SOCS6: variants seen among roughly 807,000 people sequenced by gnomAD.
SOCS6 encodes suppressor of cytokine signaling 6, also known as STAT induced STAT inhibitor-4.
Under a neutral mutation model 27.7 loss-of-function variants are expected in SOCS6, and 5 were observed. The observed-to-expected ratio is 0.18, with a 90% CI of 0.09 to 0.38. SOCS6 has a LOEUF of 0.38. Among genes scored for constraint, SOCS6 ranks in the 10% least tolerant of loss-of-function variants. The probability of loss-of-function intolerance (pLI) is 1.00; values close to 1 mark genes in which losing one functional copy is unlikely to be tolerated. For synonymous variants in SOCS6, 271 were observed against 260.0 expected (o/e 1.04, Z -0.41); for missense variants, 595 against 688.1 (o/e 0.86, Z 1.51).
intron 1 of SOCS6, among the ~76,000 whole-genome samples, chr18:70,292,071 C>G (rs892681846): frequency 1.4e-4 from 22 of 152,128 alleles, no homozygotes; most frequent in Non-Finnish European, 7.3e-5. Context: ...AGGTCTTTAC[C>G]CACCCATACA....
intron 1 of SOCS6, among the ~76,000 whole-genome samples, chr18:70,315,398 C>T (rs530278280): frequency 2.2e-4 from 33 of 152,224 alleles, no homozygotes; most frequent in African/African-American, 7.0e-4. Context: ...TCTTCTGCTG[C>T]AAATTTTGAT....
intron 1 of SOCS6, among the ~76,000 whole-genome samples, chr18:70,290,385 A>T (rs933923483): frequency 6.6e-6 from 1 of 152,220 alleles, no homozygotes; most frequent in African/African-American, 2.4e-5. Context: ...GAATGAACGA[A>T]TCTTAATTGT....
intron 1 of SOCS6, among the ~76,000 whole-genome samples, chr18:70,294,362 T>C (rs2062314194): frequency 6.6e-6 from 1 of 152,076 alleles, no homozygotes; most frequent in Non-Finnish European, 1.5e-5. Flanking sequence ...TTGTTGTTGT[T>C]CTTTGGAGGG....
At chr18:70,295,384 G>A (rs111740411) in intron 1 of SOCS6, among the ~76,000 whole-genome samples, 36 of 152,334 alleles carry the variant, frequency 2.4e-4, no homozygotes, top group African/African-American at 7.9e-4. Flanking sequence ...TAATATGCTA[G>A]ATGGTTGAAG....
At chr18:70,300,000 C>T (rs2062341093) in intron 1 of SOCS6, among the ~76,000 whole-genome samples, 1 of 152,050 alleles carries the variant, frequency 6.6e-6, no homozygotes, top group African/African-American at 2.4e-5. Flanking sequence ...CCCATGAATA[C>T]CGAGGGATGA....
At position 70,327,811 on chromosome 18, in the gene SOCS6, T is replaced by G. The variant is rs1417400565; in HGVS notation, c.*1535T>G. On this transcript the variant is annotated 3_prime_UTR_variant, in exon 2 of 2. Transcript: ENST00000397942. ...TTCCTTTGTCACTTAAAGGAAGAGA[T>G]AGGAAAAGTCTCTTACCCACTTTAA... 6.0e-6 allele frequency: 1 copy of G among 166,744 alleles called. No individual in the cohort carries two copies. Among genetic ancestry groups the G allele is most frequent in the East Asian group, 1.9e-4 (1 of 5,182 alleles). The allele number at this position is 166,744 out of a possible 1,614,324, so 10.3% of individuals were successfully genotyped here.
chr18:70,309,445 C>T (rs1477093553), intron 1 of SOCS6, among the ~76,000 whole-genome samples: 1 of 152,090 alleles, frequency 6.6e-6, no homozygotes, highest in Non-Finnish European at 1.5e-5. Context: ...ATTTGTTCCT[C>T]TGTTACTGCA....
chr18:70,317,562 C>T (rs1035997032), intron 1 of SOCS6, among the ~76,000 whole-genome samples: 19 of 136,144 alleles, frequency 1.4e-4, no homozygotes, highest in South Asian at 4.8e-4. Flanking sequence ...CATACACACA[C>T]ACACACACAC....
Position 70,324,514 on chromosome 18 carries a change from A to G in SOCS6, c.-126-29A>G, listed in dbSNP as rs373401857. ...AACTTTTGTGGAAATATTTTTTAATATGACTCTTTTTATATTTTTATTTTT... is the reference window on the plus strand; with the variant it reads ...AACTTTTGTGGAAATATTTTTTAATGTGACTCTTTTTATATTTTTATTTTT... On this transcript the variant is annotated intron_variant, in intron 1 of 1. Coordinates refer to ENST00000397942, the MANE Select transcript of SOCS6 (RefSeq NM_004232.4). 72 of 566,176 alleles carry G rather than the reference A, an allele frequency of 1.3e-4. 2 individuals carry two copies. Among genetic ancestry groups the G allele is most frequent in the East Asian group, 7.8e-4 (25 of 32,144 alleles). The allele number at this position is 566,176 out of a possible 1,614,324, so 35.1% of individuals were successfully genotyped here.
intron 1 of SOCS6, among the ~76,000 whole-genome samples, chr18:70,290,514 C>T (rs2062293991): frequency 6.6e-6 from 1 of 152,168 alleles, no homozygotes; most frequent in Non-Finnish European, 1.5e-5. Context: ...ATTTCTCCTC[C>T]TAGTGGGTTT....
At chr18:70,293,006 C>T (rs897642535) in intron 1 of SOCS6, among the ~76,000 whole-genome samples, 3 of 152,154 alleles carry the variant, frequency 2.0e-5, no homozygotes, top group Non-Finnish European at 4.4e-5. Context: ...CTATTATTGT[C>T]TGTAATTACT....
At chr18:70,295,704 T>G (rs1361410981) in intron 1 of SOCS6, among the ~76,000 whole-genome samples, 1 of 152,154 alleles carries the variant, frequency 6.6e-6, no homozygotes, top group East Asian at 1.9e-4. Flanking sequence ...ATTTTAGTGA[T>G]TTTATATATT....
intron 1 of SOCS6, chr18:70,296,581 G>A (rs974286123): frequency 2.0e-5 from 3 of 152,278 alleles, no homozygotes; most frequent in African/African-American, 7.2e-5. Context: ...GGGGGTCATA[G>A]TTGTAAGTGT....
chr18:70,320,683 T>C (rs1910954711), intron 1 of SOCS6, among the ~76,000 whole-genome samples: 2 of 152,222 alleles, frequency 1.3e-5, no homozygotes, highest in Admixed American at 6.5e-5. Context: ...AATTAAACTT[T>C]ATCATAGGTA....
At chr18:70,292,104 G>A (rs2062302178) in intron 1 of SOCS6, among the ~76,000 whole-genome samples, 1 of 152,066 alleles carries the variant, frequency 6.6e-6, no homozygotes, top group Non-Finnish European at 1.5e-5. Context: ...TACTTCGTTG[G>A]GGCAGTTGTT....
chr18:70,329,346 A>T lies in SOCS6; in HGVS notation c.*3070A>T, dbSNP rs1191910262. On this transcript the variant is annotated 3_prime_UTR_variant, in exon 2 of 2. Coordinates refer to ENST00000397942, the MANE Select transcript of SOCS6 (RefSeq NM_004232.4). ...GAAAACAGTTCCAAAAGGCTAAATC[A>T]TTGGCATAAAGGAAACAAAACCCAA... The T allele has an allele frequency of 6.0e-6, 1 of 167,026 alleles. No individual in the cohort carries two copies. Among genetic ancestry groups the T allele is most frequent in the Non-Finnish European group, 1.5e-5 (1 of 68,076 alleles). 10.3% of individuals were successfully genotyped at this position (167,026 alleles called of 1,614,324 possible).
In SOCS6 at chr18:70,324,777, G is replaced by A. The variant is rs1911123855; in HGVS notation, c.109G>A (p.Gly37Arg). Residue 37 changes from glycine (G) to arginine (R), a missense_variant, in exon 2 of 2, where the codon GGA becomes AGA. By Grantham distance (125) the Gly-to-Arg change is moderately radical (BLOSUM62 -2). Around this residue, in one of 2 missense-constraint regions of SOCS6, gnomAD observed 467 missense variants for 481.1 expected, o/e 0.97. Transcript: ENST00000397942. ...ACAACCATCGCTAGCCAGTGACTTT[G>A]GAAAAGATGATTCCTTATTTGGTAG... Reference protein sequence around the residue: ...VQQPSLASDFGKDDSLFGSCY... With the variant: ...VQQPSLASDFRKDDSLFGSCY... 1.9e-6 allele frequency: 3 copies of A among 1,614,116 alleles called. No individual in the cohort carries two copies. The highest frequency in any genetic ancestry group is 2.5e-6 in the Non-Finnish European group (3 of 1,179,992).
intron 1 of SOCS6, among the ~76,000 whole-genome samples, chr18:70,318,341 G>C (rs755656008): frequency 3.3e-5 from 5 of 152,084 alleles, no homozygotes; most frequent in Admixed American, 3.3e-4. Flanking sequence ...ATTGCATAAT[G>C]AATTTAAATA....
intron 1 of SOCS6, among the ~76,000 whole-genome samples, chr18:70,317,987 T>G (rs529001104): frequency 6.6e-6 from 1 of 152,216 alleles, no homozygotes; most frequent in South Asian, 2.1e-4. Context: ...CTGAGTAGCT[T>G]GAACTGCAAG....
Sources: gnomAD v4.1 joint callset for allele counts (sites outside exome capture counted in the v4.1 genomes callset) on GRCh38, gnomAD v4.1.1 for gene constraint, gnomAD v4.1.1 regional missense constraint, MANE v1.5 for transcripts, NCBI Gene and HGNC (gene_info 2026-07-23, HGNC 2026-07-21) for gene names.